Variants in FAT3 observed in about 807,000 individuals in gnomAD.
FAT3 encodes the protein protocadherin Fat 3.
In FAT3, 95 loss-of-function variants were observed where a neutral mutation model predicts 310.2. The ratio of observed to expected loss-of-function variants is 0.31; its 90% CI spans 0.26 to 0.36. FAT3 has a LOEUF of 0.36. Ranked by LOEUF, FAT3 falls within the 10% of genes least tolerant of loss-of-function variation. The probability of loss-of-function intolerance (pLI) is 1.00; values close to 1 mark genes in which losing one functional copy is unlikely to be tolerated. For synonymous variants in FAT3, 2,314 were observed against 2,192.9 expected, an observed-to-expected ratio of 1.06 and a Z score of -1.54; for missense variants, 5,408 against 5,715.6, an observed-to-expected ratio of 0.95 and a Z score of 1.74.
chr11:92,767,794 C>T (rs1228393776), intron 6 of FAT3, among the ~76,000 whole-genome samples: 1 of 152,106 alleles, frequency 6.6e-6, no homozygotes, highest in African/African-American at 2.4e-5. Flanking sequence ...TCATTCCTTC[C>T]TCCTGCCAAA....
chr11:92,646,911 A>G (rs1258136498), intron 3 of FAT3, among the ~76,000 whole-genome samples: 1 of 152,120 alleles, frequency 6.6e-6, no homozygotes, highest in Non-Finnish European at 1.5e-5. Flanking sequence ...TTCTAAATGT[A>G]TTTTCTGTGA....
intron 4 of FAT3, among the ~76,000 whole-genome samples, chr11:92,753,764 A>G (rs539336305): frequency 7.5e-6 from 1 of 132,688 alleles, no homozygotes; most frequent in East Asian, 2.4e-4. Context: ...TCTTGGATAA[A>G]GAAACTGTGG....
rs1236144491 is a variant in FAT3 at position 92,894,306 on chromosome 11, G to T, written c.*3193G>T. On this transcript the variant is annotated 3_prime_UTR_variant, in exon 28 of 28. Coordinates refer to ENST00000525166, the MANE Select transcript of FAT3 (RefSeq NM_001367949.2). ...TAATTACAGAGTTCAGCTCAGACCA[G>T]TCATCAGTTGTAGTGAAACTTTGAT... 6.6e-6 allele frequency: 1 copy of T among 152,218 alleles called. No homozygotes were observed. The highest frequency in any genetic ancestry group is 1.5e-5 in the Non-Finnish European group (1 of 68,040). 9.4% of individuals were successfully genotyped at this position (152,218 alleles called of 1,614,324 possible).
At chr11:92,646,559 T>A (rs747481712) in intron 3 of FAT3, among the ~76,000 whole-genome samples, 3 of 152,204 alleles carry the variant, frequency 2.0e-5, no homozygotes, top group Non-Finnish European at 1.5e-5. Flanking sequence ...GCATACTTAC[T>A]GAGCAACTCT....
chr11:92,559,918 A>G (rs962576281), intron 3 of FAT3, among the ~76,000 whole-genome samples: 1 of 152,208 alleles, frequency 6.6e-6, no homozygotes, highest in Non-Finnish European at 1.5e-5. Context: ...AAGGATATGA[A>G]TATATATAAG....
At chr11:92,629,057 A>C (rs533274195) in intron 3 of FAT3, among the ~76,000 whole-genome samples, 2 of 152,388 alleles carry the variant, frequency 1.3e-5, no homozygotes, top group East Asian at 3.9e-4. Context: ...ATTCATGATT[A>C]AAACAGTGAC....
Position 92,352,265 on chromosome 11 carries a change from C to T in FAT3, c.153C>T (p.Thr51=), listed in dbSNP as rs374102428. 4.0e-5 allele frequency: 58 copies of T among 1,434,674 alleles called. No individual in the cohort carries two copies. In the African/African-American group the frequency reaches 5.2e-4, roughly 13 times the overall value. 88.9% of individuals were successfully genotyped at this position (1,434,674 alleles called of 1,614,324 possible). The change falls in exon 2 of 28, where the codon ACC becomes ACT. Residue 51 remains threonine (T), a synonymous_variant. Coordinates refer to ENST00000525166, the MANE Select transcript of FAT3 (RefSeq NM_001367949.2). ...TCACACATTCCATTTATAATGCTACCGTGTATGAGAACTCAGCAGCAAGGA... is the reference window on the plus strand; with the variant it reads ...TCACACATTCCATTTATAATGCTACTGTGTATGAGAACTCAGCAGCAAGGA... ...FHFTHSIYNA[T]VYENSAARTY... is the part of the protein sequence containing the mutation.
chr11:92,467,186 C>T (rs913851586), intron 2 of FAT3, among the ~76,000 whole-genome samples: 1 of 152,132 alleles, frequency 6.6e-6, no homozygotes, highest in African/African-American at 2.4e-5. Context: ...AACTAGTTTA[C>T]AGTCCCACCA....
At chr11:92,677,736 T>C (rs1164407043) in intron 3 of FAT3, among the ~76,000 whole-genome samples, 1 of 152,196 alleles carries the variant, frequency 6.6e-6, no homozygotes, top group African/African-American at 2.4e-5. Context: ...ATGGAAGGTC[T>C]TGACTGCTGA....
At chr11:92,236,346 T>C (rs1433305473) in intron 1 of FAT3, among the ~76,000 whole-genome samples, 2 of 152,178 alleles carry the variant, frequency 1.3e-5, no homozygotes, top group African/African-American at 4.8e-5. Flanking sequence ...CATAATGGAA[T>C]AGATAAAAAT....
rs1953978153 is a variant in FAT3 at position 92,529,146 on chromosome 11, G to C, written c.3607+4198G>C. The stretch of plus-strand genomic sequence containing the variant: ...GCACTCAGGGAATTTAGTCTCATAG[G>C]AAAAACAGAACCATCATACTTACCA... On this transcript the variant is annotated intron_variant, in intron 3 of 27. Transcript: ENST00000525166. 2.0e-5 allele frequency among the ~76,000 whole-genome samples: 3 copies of C among 152,224 alleles called. No homozygotes were observed. The South Asian group carries it at 6.2e-4, about 32-fold the overall frequency.
At chr11:92,493,007 A>G (rs1952652876) in intron 2 of FAT3, among the ~76,000 whole-genome samples, 1 of 152,076 alleles carries the variant, frequency 6.6e-6, no homozygotes, top group East Asian at 1.9e-4. Flanking sequence ...TACAATTTAC[A>G]GAGATTCTTC....
intron 4 of FAT3, among the ~76,000 whole-genome samples, chr11:92,704,208 G>T (rs1329886118): frequency 6.6e-6 from 1 of 152,126 alleles, no homozygotes; most frequent in Non-Finnish European, 1.5e-5. Flanking sequence ...TCATACTCTG[G>T]TTGTCCATCC....
intron 3 of FAT3, among the ~76,000 whole-genome samples, chr11:92,551,234 G>A (rs1482136448): frequency 6.6e-6 from 1 of 151,982 alleles, no homozygotes; most frequent in Non-Finnish European, 1.5e-5. Context: ...ACCTGTAGTA[G>A]AAATACAAGG....
At position 92,696,913 on chromosome 11, in the gene FAT3, G is replaced by A. The variant is rs138126637; in HGVS notation, c.3608-471G>A. Among the ~76,000 whole-genome samples, 129 of 152,282 alleles carry A rather than the reference G, an allele frequency of 8.5e-4. 1 individual carries two copies. Among genetic ancestry groups the A allele is most frequent in the African/African-American group, 2.8e-3 (117 of 41,556 alleles). On this transcript the variant is annotated intron_variant, in intron 3 of 27. Coordinates refer to ENST00000525166, the MANE Select transcript of FAT3 (RefSeq NM_001367949.2). ...TGAAATAATTATGTGTACAAGTAGC[G>A]ATTACAACATTCTTTGTCAAGTATA...
At chr11:92,840,449 C>G (rs2136282273) in intron 17 of FAT3, 113 bp from the exon 18 acceptor site, 1 of 1,008,182 alleles carries the variant, frequency 9.9e-7, no homozygotes, top group Non-Finnish European at 1.4e-6. Flanking sequence ...TTTTCTAGCT[C>G]AGCACTCTCA....
rs753774009 is a variant in FAT3 at position 92,790,051 on chromosome 11, A to T, written c.4444A>T (p.Ile1482Phe). 6.2e-7 allele frequency: 1 copy of T among 1,613,884 alleles called. No individual in the cohort carries two copies. The highest frequency in any genetic ancestry group is 1.1e-5 in the South Asian group (1 of 91,086). ...GCTTCCAGACACGGAGATCCTGCAG[A>T]TTGAAGCCACAGATAGAGATGAGAA... ...DVLPDTEILQ[I>F]EATDRDEKHK... The change falls in exon 8 of 28, where the codon ATT becomes TTT. Residue 1482 changes from isoleucine to phenylalanine, a missense_variant. By Grantham distance (21) the Ile-to-Phe change is conservative. Around this residue, in one of 5 missense-constraint regions of FAT3, gnomAD observed 4,588 missense variants for 4,809.8 expected, o/e 0.95. Transcript: ENST00000525166.
intron 4 of FAT3, among the ~76,000 whole-genome samples, chr11:92,737,709 G>T (rs1945394675): frequency 6.6e-6 from 1 of 151,084 alleles, no homozygotes; most frequent in South Asian, 2.1e-4. Flanking sequence ...ATTTCAGTTA[G>T]ATTTTTTTTT....
In FAT3 at chr11:92,587,302, A is replaced by G. The variant is rs890994330; in HGVS notation, c.3607+62354A>G. On this transcript the variant is annotated intron_variant, in intron 3 of 27. Transcript: ENST00000525166. The stretch of plus-strand genomic sequence containing the variant: ...TTCATTACAGTAGATCCCATGCACT[A>G]CTTATTCTGTTGCCTAAAATATCCA... Among the ~76,000 whole-genome samples the G allele has an allele frequency of 3.3e-5, 5 of 151,942 alleles. No homozygotes were observed. The East Asian group carries it at 9.6e-4, about 29-fold the overall frequency.
Sources: allele counts gnomAD v4.1 joint callset (sites outside exome capture counted in the v4.1 genomes callset), GRCh38; gene constraint gnomAD v4.1.1; regional missense constraint gnomAD v4.1.1; transcripts MANE v1.5; gene names NCBI Gene and HGNC (gene_info 2026-07-23, HGNC 2026-07-21).